Variants in RGSL1 observed in about 807,000 individuals in gnomAD.
RGSL1 encodes regulator of G protein signaling protein-like.
A neutral mutation model predicts 124.7 loss-of-function variants in RGSL1; 97 were observed. The ratio of observed to expected loss-of-function variants is 0.78; its 90% CI spans 0.66 to 0.92. The LOEUF (loss-of-function observed/expected upper bound fraction) is 0.92. Ranked by LOEUF, RGSL1 falls within the 40% of genes least tolerant of loss-of-function variation. The probability of loss-of-function intolerance (pLI) is 0.00; values close to 1 mark genes in which losing one functional copy is unlikely to be tolerated. For synonymous variants in RGSL1, 424 were observed against 438.1 expected (o/e 0.97, Z 0.40); for missense variants, 1,233 against 1,288.4 (o/e 0.96, Z 0.66).
chr1:182,547,137 CA>C (rs1286611339), intron 15 of RGSL1, among the ~76,000 whole-genome samples: 1 of 152,126 alleles, frequency 6.6e-6, no homozygotes, highest in African/African-American at 2.4e-5. Context: ...ATTGGATATA[CA>C]AAAAACAACT....
At chr1:182,496,479 A>G (rs1655922728) in intron 9 of RGSL1, among the ~76,000 whole-genome samples, 1 of 152,192 alleles carries the variant, frequency 6.6e-6, no homozygotes, top group East Asian at 1.9e-4. Flanking sequence ...TATTTTGTGA[A>G]CAGTGTAGTT....
At chr1:182,492,843 A>T in intron 8 of RGSL1, 179 bp from the exon 9 acceptor site, 1 of 582,962 alleles carries the variant, frequency 1.7e-6, no homozygotes. Context: ...GTTAGTCAGG[A>T]TGGTCTCAAT....
chr1:182,549,377 C>T (rs1247470123), intron 17 of RGSL1: 1 of 152,584 alleles, frequency 6.6e-6, no homozygotes, highest in Admixed American at 6.5e-5. Flanking sequence ...AAAACTAAAA[C>T]ATGGTGAAGA....
At chr1:182,475,000 A>C (rs1228154801) in intron 6 of RGSL1, among the ~76,000 whole-genome samples, 2 of 152,170 alleles carry the variant, frequency 1.3e-5, no homozygotes, top group Non-Finnish European at 2.9e-5. Context: ...TCCCTGTGCC[A>C]AAAAGGTTGG....
chr1:182,473,474 A>G (rs1261345718), intron 5 of RGSL1, 101 bp from the exon 6 acceptor site: 21 of 1,269,612 alleles, frequency 1.7e-5, no homozygotes, highest in Non-Finnish European at 1.9e-5. Flanking sequence ...ATAAAATGCT[A>G]TATACAAAGA....
intron 9 of RGSL1, among the ~76,000 whole-genome samples, chr1:182,502,199 C>G (rs773538899): frequency 6.6e-6 from 1 of 152,064 alleles, no homozygotes; most frequent in Non-Finnish European, 1.5e-5. Flanking sequence ...TGTTGACGGT[C>G]TCTATTGCTC....
chr1:182,501,842 T>A (rs1211876251), intron 9 of RGSL1, among the ~76,000 whole-genome samples: 1 of 152,200 alleles, frequency 6.6e-6, no homozygotes, highest in Non-Finnish European at 1.5e-5. Context: ...ATTCTTGAAA[T>A]GTTATGTAGA....
At chr1:182,527,040 G>T (rs1380683761) in intron 10 of RGSL1, among the ~76,000 whole-genome samples, 1 of 152,050 alleles carries the variant, frequency 6.6e-6, no homozygotes, top group African/African-American at 2.4e-5. Context: ...ATATAGTTTT[G>T]CTATATTAAT....
rs868035125 is a variant in RGSL1 at position 182,522,233 on chromosome 1, C to T, written c.1931+124C>T. On this transcript the variant is annotated intron_variant, in intron 10 of 21. Coordinates refer to ENST00000294854, the MANE Select transcript of RGSL1 (RefSeq NM_001137669.2). The stretch of plus-strand genomic sequence containing the variant: ...TTCAGACCCTTTTCCATATACAATA[C>T]ATACAGGTACAGACACTCTTAGTAT... 5.3e-5 allele frequency: 36 copies of T among 677,286 alleles called. 1 individual carries two copies. In the Middle Eastern group the frequency reaches 3.2e-3, roughly 60 times the overall value. The allele number at this position is 677,286 out of a possible 1,614,324, so 42.0% of individuals were successfully genotyped here.
intron 6 of RGSL1, among the ~76,000 whole-genome samples, chr1:182,484,481 G>T (rs1246639555): frequency 1.3e-5 from 2 of 152,176 alleles, no homozygotes; most frequent in African/African-American, 2.4e-5. Flanking sequence ...AGGGGCCAGG[G>T]TACAGCAGCA....
intron 8 of RGSL1, among the ~76,000 whole-genome samples, chr1:182,489,539 T>C (rs1655368103): frequency 6.6e-6 from 1 of 152,214 alleles, no homozygotes; most frequent in South Asian, 2.1e-4. Context: ...CTTCATTTCA[T>C]GCATCTAATA....
chr1:182,533,092 A>T (rs1040707019), intron 14 of RGSL1, among the ~76,000 whole-genome samples: 1 of 152,128 alleles, frequency 6.6e-6, no homozygotes, highest in Non-Finnish European at 1.5e-5. Flanking sequence ...TATTTTCAAA[A>T]TTTTTCTGCT....
intron 6 of RGSL1, among the ~76,000 whole-genome samples, chr1:182,481,175 G>A (rs545771613): frequency 6.6e-6 from 1 of 151,516 alleles, no homozygotes; most frequent in South Asian, 2.1e-4. Flanking sequence ...GTTTTCTTAA[G>A]CAATAAATGA....
intron 10 of RGSL1, among the ~76,000 whole-genome samples, chr1:182,523,221 T>TTC (rs3031830): frequency 1.3e-5 from 2 of 150,706 alleles, no homozygotes; most frequent in Non-Finnish European, 3.0e-5. Context: ...TTTTTTTTTT[T>TTC]CTAGAGACTG....
rs182451788 is a variant in RGSL1, at chr1:182,499,158, G to A, written c.1825+6029G>A. On this transcript the variant is annotated intron_variant, in intron 9 of 21. Transcript: ENST00000294854. ...AGAAGAATGTATGTTCTGTTGTTTT[G>A]GGGTGAAGATTTCTGTAGATGCCAG... is the stretch of plus-strand genomic sequence containing the variant. 3.1e-3 allele frequency among the ~76,000 whole-genome samples: 473 copies of A among 152,244 alleles called. 6 individuals carry two copies. The highest frequency in any genetic ancestry group is 0.011 in the African/African-American group (450 of 41,548).
At chr1:182,455,870 G>A (rs975330565) in intron 2 of RGSL1, among the ~76,000 whole-genome samples, 13 of 152,194 alleles carry the variant, frequency 8.5e-5, no homozygotes, top group East Asian at 3.9e-4. Context: ...GAGAGCCATC[G>A]AAGGATTTGA....
Position 182,540,280 on chromosome 1 carries a change from C to T in RGSL1, c.2528C>T (p.Ser843Leu). Residue 843 changes from serine (S) to leucine (L), a missense_variant, in exon 15 of 22, where the codon TCA becomes TTA. Transcript: ENST00000294854. ...ACAGCACACAACACATCGGGACGTT[C>T]AGCTCCACCCTCCACAAATGTCCGG... ...FTTAHNTSGR[S>L]APPSTNVRSA... 2 of 1,551,138 alleles carry T rather than the reference C, an allele frequency of 1.3e-6. No individual in the cohort carries two copies. Among genetic ancestry groups the T allele is most frequent in the Non-Finnish European group, 1.7e-6 (2 of 1,146,704 alleles).
chr1:182,544,347 C>A (rs1392842589), intron 15 of RGSL1, among the ~76,000 whole-genome samples: 1 of 151,936 alleles, frequency 6.6e-6, no homozygotes, highest in Non-Finnish European at 1.5e-5. Flanking sequence ...TAGTTTTTTT[C>A]CATCATGGTC....
At chr1:182,454,761 A>C (rs937445019) in intron 2 of RGSL1, among the ~76,000 whole-genome samples, 2 of 152,168 alleles carry the variant, frequency 1.3e-5, no homozygotes, top group African/African-American at 4.8e-5. Context: ...CTATTTCCTT[A>C]ATCTATGCAA....
Sources: allele counts gnomAD v4.1 joint callset (sites outside exome capture counted in the v4.1 genomes callset), GRCh38; gene constraint gnomAD v4.1.1; transcripts MANE v1.5; gene names NCBI Gene and HGNC (gene_info 2026-07-23, HGNC 2026-07-21).